The following CNTNAP5 variants were observed in gnomAD, a reference collection of about 807,000 sequenced individuals.
CNTNAP5 encodes contactin associated protein family member 5.
Under a neutral mutation model 150.2 loss-of-function variants are expected in CNTNAP5, and 72 were observed. The observed-to-expected ratio is 0.48, with a 90% confidence interval of 0.40 to 0.58. The LOEUF is 0.58. CNTNAP5 is among the 20% of genes least tolerant of loss of function. The probability of loss-of-function intolerance (pLI) is 0.00; values close to 1 mark genes in which losing one functional copy is unlikely to be tolerated. For synonymous variants in CNTNAP5, 672 were observed against 619.8 expected (o/e 1.08, Z -1.25); for missense variants, 1,636 against 1,626.2 (o/e 1.01, Z -0.10).
chr2:124,676,016 A>T (rs1341569564), intron 13 of CNTNAP5, among the ~76,000 whole-genome samples: 2 of 152,034 alleles, frequency 1.3e-5, no homozygotes, highest in African/African-American at 4.8e-5. Flanking sequence ...TGTTGTTTTT[A>T]TTGTTTCTGA....
In CNTNAP5 at chr2:124,546,259, C is replaced by T. The variant is rs566277903; in HGVS notation, c.1650-16958C>T. Among the ~76,000 whole-genome samples, 4 of 152,226 alleles carry T rather than the reference C, an allele frequency of 2.6e-5. No individual in the cohort carries two copies. The East Asian group carries it at 7.7e-4, about 29-fold the overall frequency. On this transcript the variant is annotated intron_variant, in intron 10 of 23. Transcript: ENST00000682447. The stretch of plus-strand genomic sequence containing the variant: ...ACAGTGGGGAGCTATACTTCCAGTT[C>T]TGCCTAATGTTAATGGTAGTCTGTG...
intron 3 of CNTNAP5, among the ~76,000 whole-genome samples, chr2:124,380,832 G>T (rs1045848754): frequency 6.6e-6 from 1 of 152,076 alleles, no homozygotes; most frequent in African/African-American, 2.4e-5. Context: ...GAAAATTTAC[G>T]TTCCACTGGA....
At chr2:124,781,702 G>A (rs570991903) in intron 17 of CNTNAP5, among the ~76,000 whole-genome samples, 169 of 152,296 alleles carry the variant, frequency 1.1e-3, no homozygotes, top group African/African-American at 3.9e-3. Flanking sequence ...CTGGAGCCCT[G>A]CTTTGGACTC....
intron 1 of CNTNAP5, among the ~76,000 whole-genome samples, chr2:124,057,041 A>G (rs1322650235): frequency 6.6e-6 from 1 of 152,022 alleles, no homozygotes; most frequent in Non-Finnish European, 1.5e-5. Context: ...TAATTGATTG[A>G]TAATTACTCA....
At chr2:124,391,480 T>C (rs1316493773) in intron 3 of CNTNAP5, among the ~76,000 whole-genome samples, 3 of 152,160 alleles carry the variant, frequency 2.0e-5, no homozygotes, top group Non-Finnish European at 4.4e-5. Flanking sequence ...AGCAGCCGCC[T>C]CTCCTCATCG....
chr2:124,606,756 A>G (rs1677228271), intron 11 of CNTNAP5, among the ~76,000 whole-genome samples: 1 of 152,144 alleles, frequency 6.6e-6, no homozygotes, highest in Non-Finnish European at 1.5e-5. Flanking sequence ...TCTCCCTTTT[A>G]AAAATGATCA....
intron 3 of CNTNAP5, among the ~76,000 whole-genome samples, chr2:124,297,188 T>C (rs1194731460): frequency 6.6e-6 from 1 of 152,214 alleles, no homozygotes; most frequent in Non-Finnish European, 1.5e-5. Flanking sequence ...AAAGTCCTTT[T>C]GGTCCAAACT....
intron 19 of CNTNAP5, among the ~76,000 whole-genome samples, chr2:124,850,078 A>C (rs1051724905): frequency 6.6e-6 from 1 of 152,184 alleles, no homozygotes; most frequent in Non-Finnish European, 1.5e-5. Flanking sequence ...TAAGTAGGCC[A>C]TATTTTTCAG....
chr2:124,305,111 C>CAAA (rs57896748), intron 3 of CNTNAP5, among the ~76,000 whole-genome samples: 24,586 of 86,074 alleles, frequency 0.29, 3,417 homozygotes, highest in Non-Finnish European at 0.35. Context: ...ACAAAAAATA[C>CAAA]AAAAAAAAAA....
chr2:124,235,706 A>G (rs375156647), intron 2 of CNTNAP5, among the ~76,000 whole-genome samples: 27 of 152,256 alleles, frequency 1.8e-4, no homozygotes, highest in African/African-American at 6.5e-4. Flanking sequence ...GGAAAGCCAA[A>G]CTAAGTCATA....
At chr2:124,749,528 G>A (rs533865953) in intron 14 of CNTNAP5, among the ~76,000 whole-genome samples, 21 of 152,058 alleles carry the variant, frequency 1.4e-4, no homozygotes, top group Admixed American at 9.8e-4. Context: ...GGGTTCAAGC[G>A]ATTCTCCTGC....
At chr2:124,867,605 T>A (rs1306065392) in intron 20 of CNTNAP5, among the ~76,000 whole-genome samples, 1 of 152,178 alleles carries the variant, frequency 6.6e-6, no homozygotes, top group Admixed American at 6.5e-5. Flanking sequence ...CCTGTGTTAG[T>A]TGCTCACTCT....
chr2:124,882,099 A>T (rs1249341657), intron 21 of CNTNAP5, among the ~76,000 whole-genome samples: 1 of 152,066 alleles, frequency 6.6e-6, no homozygotes, highest in Non-Finnish European at 1.5e-5. Context: ...AGCCACACTC[A>T]GTTCAGGGGT....
intron 13 of CNTNAP5, among the ~76,000 whole-genome samples, chr2:124,718,668 G>A (rs1679991516): frequency 6.6e-6 from 1 of 152,104 alleles, no homozygotes; most frequent in African/African-American, 2.4e-5. Flanking sequence ...CAGATACTTA[G>A]TGACCACTGG....
intron 13 of CNTNAP5, among the ~76,000 whole-genome samples, chr2:124,673,841 T>C (rs1678872257): frequency 6.6e-6 from 1 of 151,968 alleles, no homozygotes; most frequent in South Asian, 2.1e-4. Context: ...GATAAGGTAC[T>C]CATTTTTAAG....
At chr2:124,352,662 T>C (rs1031271869) in intron 3 of CNTNAP5, among the ~76,000 whole-genome samples, 17 of 152,202 alleles carry the variant, frequency 1.1e-4, no homozygotes, top group African/African-American at 2.2e-4. Context: ...ATGTTTTGCC[T>C]CATTTTTTTT....
chr2:124,577,720 A>G (rs1014669975), intron 11 of CNTNAP5, among the ~76,000 whole-genome samples: 2 of 152,194 alleles, frequency 1.3e-5, no homozygotes, highest in Admixed American at 6.5e-5. Flanking sequence ...AACAAGGAGA[A>G]GGAGATGAGC....
chr2:124,208,923 T>C (rs887806231), intron 1 of CNTNAP5, among the ~76,000 whole-genome samples: 8 of 152,190 alleles, frequency 5.3e-5, no homozygotes, highest in African/African-American at 1.9e-4. Context: ...CTTTTGTCTT[T>C]GTTGGTGGTT....
intron 3 of CNTNAP5, among the ~76,000 whole-genome samples, chr2:124,289,724 G>T (rs1688240326): frequency 1.3e-5 from 2 of 152,256 alleles, no homozygotes; most frequent in South Asian, 4.1e-4. Flanking sequence ...ACCGAGAGCT[G>T]GACAGATTAA....
Sources: allele counts gnomAD v4.1 joint callset (sites outside exome capture counted in the v4.1 genomes callset), GRCh38; gene constraint gnomAD v4.1.1; transcripts MANE v1.5; gene names NCBI Gene and HGNC (gene_info 2026-07-23, HGNC 2026-07-21).